The following FUT8 variants were observed in gnomAD, a reference collection of about 807,000 sequenced individuals.
FUT8 encodes the protein fucosyltransferase 8.
FUT8 carries 29 observed loss-of-function variants against 71.3 expected under a neutral mutation model. That is an observed-to-expected ratio of 0.41 (90% CI 0.30 to 0.55). The LOEUF is 0.55. FUT8 is among the 20% of genes least tolerant of loss of function. FUT8 has a pLI of 0.34. For missense variants in FUT8, 544 were observed against 702.1 expected, an observed-to-expected ratio of 0.77 and a Z score of 2.55; for synonymous variants, 254 against 239.3, an observed-to-expected ratio of 1.06 and a Z score of -0.57.
At chr14:65,632,472 A>G (rs1342416140) in intron 6 of FUT8, among the ~76,000 whole-genome samples, 1 of 152,176 alleles carries the variant, frequency 6.6e-6, no homozygotes, top group Non-Finnish European at 1.5e-5. Flanking sequence ...TTCCCTGATC[A>G]TTAGTGATGT....
chr14:65,684,601 A>C (rs1387323332), intron 7 of FUT8, among the ~76,000 whole-genome samples: 2 of 152,178 alleles, frequency 1.3e-5, no homozygotes, highest in African/African-American at 2.4e-5. Context: ...TTGTGTCCCC[A>C]CCCAAACCTC....
At chr14:65,689,382 C>T (rs79489538) in intron 7 of FUT8, among the ~76,000 whole-genome samples, 1,953 of 152,112 alleles carry the variant, frequency 0.013, 46 homozygotes, top group African/African-American at 0.045. Flanking sequence ...TTTAAGGGTT[C>T]TTTTTATATT....
chr14:65,499,676 G>A (rs1212385171), intron 2 of FUT8, among the ~76,000 whole-genome samples: 2 of 151,818 alleles, frequency 1.3e-5, no homozygotes, highest in East Asian at 1.9e-4. Flanking sequence ...AGGCTGGTGC[G>A]GTGGTGTGTG....
chr14:65,386,936 G>T, the FUT8 span, among the ~76,000 whole-genome samples: 1 of 149,316 alleles, frequency 6.7e-6, no homozygotes, highest in South Asian at 2.1e-4. Context: ...CTGCCTCCTG[G>T]GTTCAAGTGA....
Position 65,666,267 on chromosome 14 carries a change from G to A in FUT8, c.598-2976G>A, listed in dbSNP as rs116914827. Among the ~76,000 whole-genome samples the A allele has an allele frequency of 5.7e-3, 871 of 152,106 alleles. 31 individuals are homozygous for A. In the East Asian group the frequency reaches 0.093, roughly 16 times the overall value. On this transcript the variant is annotated intron_variant, in intron 6 of 10. Coordinates refer to ENST00000673929, the MANE Select transcript of FUT8 (RefSeq NM_001371533.1). ...ATCCAATCCAGCAGGATTCTTTCCT[G>A]AATAAGAAACGTACTGGATCAGTCC... is the stretch of plus-strand genomic sequence containing the variant.
rs1481554749 is a variant in FUT8, at chr14:65,611,220, C to T, written c.204-4758C>T. Among the ~76,000 whole-genome samples, 3 of 6,912 alleles carry T rather than the reference C, an allele frequency of 4.3e-4. 1 individual carries two copies. The highest frequency in any genetic ancestry group is 6.4e-4 in the African/African-American group (3 of 4,692). 4.5% of individuals were successfully genotyped at this position (6,912 alleles called of 152,430 possible). ...ACACGCGCGCGCGCGCGCGCGCGCG[C>T]GCGCACACACACACACACACACACA... On this transcript the variant is annotated intron_variant, in intron 3 of 10. Coordinates refer to ENST00000673929, the MANE Select transcript of FUT8 (RefSeq NM_001371533.1).
At chr14:65,688,520 CAAAAAAAAAA>C (rs34293733) in intron 7 of FUT8, among the ~76,000 whole-genome samples, 9 of 55,130 alleles carry the variant, frequency 1.6e-4, no homozygotes, top group South Asian at 8.4e-4. Context: ...ATCCACATGC[CAAAAAAAAAA>C]AAAAAAAAAA....
intron 6 of FUT8, among the ~76,000 whole-genome samples, chr14:65,649,877 G>A (rs1270697777): frequency 6.6e-6 from 1 of 152,216 alleles, no homozygotes; most frequent in Non-Finnish European, 1.5e-5. Flanking sequence ...GCAGTTGTGA[G>A]TTAAATGTGC....
Position 65,429,061 on chromosome 14 carries a change from G to A in FUT8, c.-326+15847G>A, listed in dbSNP as rs545674890. ...TAAAAAATAGTGTACATGTGTATATGTGTGTGTTTGTAACAGGAGTAGACA... is the reference window on the plus strand; with the variant it reads ...TAAAAAATAGTGTACATGTGTATATATGTGTGTTTGTAACAGGAGTAGACA... On this transcript the variant is annotated intron_variant, in intron 1 of 10. Transcript: ENST00000673929. Among the ~76,000 whole-genome samples, 4 of 152,328 alleles carry A rather than the reference G, an allele frequency of 2.6e-5. No homozygotes were observed. In the South Asian group the frequency reaches 8.3e-4, roughly 32 times the overall value.
intron 2 of FUT8, among the ~76,000 whole-genome samples, chr14:65,521,783 G>A (rs1238601537): frequency 6.6e-6 from 1 of 151,854 alleles, no homozygotes; most frequent in Non-Finnish European, 1.5e-5. Flanking sequence ...CTTGCTTATT[G>A]TATCTTGGGC....
chr14:65,669,452 A>G lies in FUT8; in HGVS notation c.807A>G (p.Arg269=), dbSNP rs1200179150. 2.5e-6 allele frequency: 4 copies of G among 1,613,352 alleles called. No homozygotes were observed. The highest frequency in any genetic ancestry group is 3.4e-6 in the Non-Finnish European group (4 of 1,179,454). Residue 269 remains arginine (R), a synonymous_variant, in exon 7 of 11, where the codon AGA becomes AGG. Transcript: ENST00000673929. The surrounding 1 kb of genome is among the most constrained non-coding windows in gnomAD (Gnocchi z 4.5). ...CTGTAAGTGAGACATGCACAGACAG[A>G]TCTGGCATCTCCACTGGACACTGGT... ...FRPVSETCTD[R]SGISTGHWSG... is the part of the protein sequence containing the mutation.
At chr14:65,538,998 A>G (rs1490295564) in intron 2 of FUT8, among the ~76,000 whole-genome samples, 1 of 152,110 alleles carries the variant, frequency 6.6e-6, no homozygotes, top group Non-Finnish European at 1.5e-5. Context: ...TGTAGCAAAA[A>G]ATTGTTCCCC....
At chr14:65,373,318 CT>C in the FUT8 span, among the ~76,000 whole-genome samples, 1 of 151,214 alleles carries the variant, frequency 6.6e-6, no homozygotes, top group Non-Finnish European at 1.5e-5. Context: ...TCATGTCCCC[CT>C]ATCCTGTGGC....
At chr14:65,366,122 C>T in the FUT8 span, among the ~76,000 whole-genome samples, 2 of 152,224 alleles carry the variant, frequency 1.3e-5, no homozygotes, top group Admixed American at 6.5e-5. Flanking sequence ...TTTCCTGTAA[C>T]AGTATGTGTC....
At chr14:65,450,480 G>A (rs1040010082) in intron 1 of FUT8, among the ~76,000 whole-genome samples, 5 of 152,010 alleles carry the variant, frequency 3.3e-5, no homozygotes, top group South Asian at 2.1e-4. Flanking sequence ...ATCTTGTAAC[G>A]TTCGACTGAA....
chr14:65,615,899 A>C lies in FUT8; in HGVS notation c.204-79A>C. On this transcript the variant is annotated intron_variant, in intron 3 of 10. Transcript: ENST00000673929. ...CAACAACTTATGGAGTTTACAGTAT[A>C]AATGTTTTAGAAAGTGAGCTTGTAT... 3.1e-6 allele frequency: 3 copies of C among 962,030 alleles called. No homozygotes were observed. The East Asian group carries it at 7.7e-5, about 25-fold the overall frequency. The allele number at this position is 962,030 out of a possible 1,614,324, so 59.6% of individuals were successfully genotyped here. A position where few individuals can be genotyped will look rare whatever the true frequency, so the allele number is the denominator to read the frequency against.
intron 2 of FUT8, among the ~76,000 whole-genome samples, chr14:65,553,580 A>G (rs1339491029): frequency 6.6e-6 from 1 of 151,950 alleles, no homozygotes; most frequent in Non-Finnish European, 1.5e-5. Flanking sequence ...CATTTTTTAT[A>G]GTACAATTTT....
At chr14:65,502,685 A>G (rs2066665622) in intron 2 of FUT8, among the ~76,000 whole-genome samples, 1 of 152,252 alleles carries the variant, frequency 6.6e-6, no homozygotes, top group Non-Finnish European at 1.5e-5. Context: ...TGTTACCCAT[A>G]AACAAAGTTT....
chr14:65,376,321 C>G, the FUT8 span, among the ~76,000 whole-genome samples: 1 of 152,246 alleles, frequency 6.6e-6, no homozygotes, highest in East Asian at 1.9e-4. Flanking sequence ...TATTGTGAAC[C>G]TGATTTTAGT....
Sources: gnomAD v4.1 joint callset for allele counts (sites outside exome capture counted in the v4.1 genomes callset) on GRCh38, gnomAD v4.1.1 for gene constraint, Gnocchi (gnomAD v3.1) non-coding constraint, MANE v1.5 for transcripts, NCBI Gene and HGNC (gene_info 2026-07-23, HGNC 2026-07-21) for gene names.